TRPS1: variants seen among roughly 807,000 people sequenced by gnomAD.
TRPS1 encodes transcriptional repressor GATA binding 1, also known as zinc finger transcription factor Trps1.
In TRPS1, 6 loss-of-function variants were observed where a neutral mutation model predicts 101.2. That is an observed-to-expected ratio of 0.06 (90% CI 0.03 to 0.12). TRPS1 has a LOEUF of 0.12. Among genes scored for constraint, TRPS1 ranks in the 10% least tolerant of loss-of-function variants. The pLI, the probability that TRPS1 is intolerant of heterozygous loss-of-function variation, is 1.00. For missense variants in TRPS1, 1,363 were observed against 1,567.0 expected, an observed-to-expected ratio of 0.87 and a Z score of 2.20; for synonymous variants, 578 against 589.8, an observed-to-expected ratio of 0.98 and a Z score of 0.29.
Position 115,668,789 on chromosome 8 carries a change from A to G in TRPS1, c.-366T>C, listed in dbSNP as rs1586513623. Reference sequence around the variant, plus strand: ...GGATGTGCCCGGTGCCGGGTGGGAGAGGGGAGGGGGTGTTGTTTTTTGTTT... The same window carrying G: ...GGATGTGCCCGGTGCCGGGTGGGAGGGGGGAGGGGGTGTTGTTTTTTGTTT... On this transcript the variant is annotated 5_prime_UTR_variant, in exon 1 of 7. Coordinates refer to ENST00000395715, the MANE Select transcript of TRPS1 (RefSeq NM_014112.5). 4 of 140,168 alleles carry G rather than the reference A, an allele frequency of 2.9e-5. No individual in the cohort carries two copies. The highest frequency in any genetic ancestry group is 2.1e-4 in the East Asian group (1 of 4,806). The allele number at this position is 140,168 out of a possible 1,614,324, so 8.7% of individuals were successfully genotyped here.
At chr8:115,602,990 T>C (rs1817943223) in intron 4 of TRPS1, among the ~76,000 whole-genome samples, 1 of 152,202 alleles carries the variant, frequency 6.6e-6, no homozygotes, top group South Asian at 2.1e-4. Context: ...ATGACACTTA[T>C]TACTCTTGTA....
chr8:115,523,887 C>T (rs995328144), intron 5 of TRPS1, among the ~76,000 whole-genome samples: 2 of 152,024 alleles, frequency 1.3e-5, no homozygotes, highest in Non-Finnish European at 2.9e-5. Context: ...AAGGTTACTG[C>T]CAAAATCAAG....
intron 5 of TRPS1, among the ~76,000 whole-genome samples, chr8:115,492,855 A>T (rs1039870091): frequency 3.3e-5 from 5 of 152,178 alleles, no homozygotes; most frequent in African/African-American, 1.2e-4. Flanking sequence ...CTGAGACTAC[A>T]GTAGTGTGCC....
At chr8:115,462,062 T>C (rs914548200) in intron 5 of TRPS1, among the ~76,000 whole-genome samples, 20 of 152,174 alleles carry the variant, frequency 1.3e-4, no homozygotes. Flanking sequence ...ACGTATATCA[T>C]TCTTGTGTCA....
chr8:115,604,222 C>T lies in TRPS1; in HGVS notation c.1747G>A (p.Gly583Arg). The change falls in exon 4 of 7, where the codon GGA (glycine) becomes AGA (arginine). Residue 583 changes from glycine (G) to arginine (R), a missense_variant. By Grantham distance (125) the Gly-to-Arg change is moderately radical. Coordinates refer to ENST00000395715, the MANE Select transcript of TRPS1 (RefSeq NM_014112.5). The surrounding 1 kb of genome is among the most constrained non-coding windows in gnomAD (Gnocchi z 4.1). ...TIKHCPFCPRGLCSPEKHLGE... is the reference protein window; with the variant it reads ...TIKHCPFCPRRLCSPEKHLGE... ...AGGTGCTTTTCTGGGCTGCAAAGTC[C>T]TCTGGGACAGAATGGACAGTGTTTA... The T allele has an allele frequency of 6.2e-7, 1 of 1,614,036 alleles. No individual in the cohort carries two copies. Among genetic ancestry groups the T allele is most frequent in the Non-Finnish European group, 8.5e-7 (1 of 1,179,988 alleles).
chr8:115,582,858 G>C (rs916416928), intron 5 of TRPS1, among the ~76,000 whole-genome samples: 20 of 152,146 alleles, frequency 1.3e-4, no homozygotes, highest in African/African-American at 4.1e-4. Flanking sequence ...CAAGAAAAAA[G>C]TGCTCTAATA....
chr8:115,427,116 T>G (rs900734921), intron 5 of TRPS1, among the ~76,000 whole-genome samples: 3 of 151,374 alleles, frequency 2.0e-5, no homozygotes, highest in Non-Finnish European at 4.4e-5. Context: ...CTACAAAAAG[T>G]TAAAAAAAAA....
chr8:115,485,568 A>G (rs951638744), intron 5 of TRPS1, among the ~76,000 whole-genome samples: 1 of 152,200 alleles, frequency 6.6e-6, no homozygotes, highest in African/African-American at 2.4e-5. Context: ...GAGTCATACC[A>G]TATCCAAACA....
chr8:115,418,491 A>G lies in TRPS1; in HGVS notation c.2701-39T>C. 1 of 1,613,958 alleles carries G rather than the reference A, an allele frequency of 6.2e-7. No individual in the cohort carries two copies. Among genetic ancestry groups the G allele is most frequent in the Non-Finnish European group, 8.5e-7 (1 of 1,179,888 alleles). On this transcript the variant is annotated intron_variant, in intron 5 of 6. Coordinates refer to ENST00000395715, the MANE Select transcript of TRPS1 (RefSeq NM_014112.5). This position sits in a 1 kb window ranked among gnomAD's most constrained non-coding sequence, Gnocchi z 4.3. Reference sequence around the variant, plus strand: ...AAAAAACCAAGGTCAGAGGTGAGTCACATGATCAGTGGAGTTAGACCAAAT... The same window carrying G: ...AAAAAACCAAGGTCAGAGGTGAGTCGCATGATCAGTGGAGTTAGACCAAAT...
intron 5 of TRPS1, among the ~76,000 whole-genome samples, chr8:115,473,294 G>A (rs1586309298): frequency 6.6e-6 from 1 of 152,262 alleles, no homozygotes; most frequent in Admixed American, 6.5e-5. Flanking sequence ...TCCCATGATG[G>A]CGGGAAGGAG....
At chr8:115,421,108 C>T (rs543387383) in intron 5 of TRPS1, among the ~76,000 whole-genome samples, 3 of 152,156 alleles carry the variant, frequency 2.0e-5, no homozygotes, top group South Asian at 4.2e-4. Flanking sequence ...CCTCAGCCTC[C>T]CGAGTAGCTG....
In TRPS1 at chr8:115,619,985, C is replaced by A; in HGVS notation, c.113G>T (p.Gly38Val). 6.2e-7 allele frequency: 1 copy of A among 1,614,152 alleles called. No individual in the cohort carries two copies. Among genetic ancestry groups the A allele is most frequent in the Non-Finnish European group, 8.5e-7 (1 of 1,180,040 alleles). The part of the protein sequence containing the change: ...EGEGQILEPI[G>V]TESKVSGKNK... ...CTTTCCAGATACCTTGCTTTCTGTA[C>A]CTATAGGCTCCAGGATCTGGCCCTC... is the stretch of plus-strand genomic sequence containing the variant. Residue 38 changes from glycine to valine, a missense_variant, in exon 3 of 7, where the codon GGT becomes GTT. By Grantham distance (109) the Gly-to-Val change is moderately radical. This residue lies in a region of TRPS1 where 1,020 missense variants were observed against 1,073.0 expected (regional missense o/e 0.95). Coordinates refer to ENST00000395715, the MANE Select transcript of TRPS1 (RefSeq NM_014112.5).
chr8:115,581,386 A>T (rs1563619825), intron 5 of TRPS1, among the ~76,000 whole-genome samples: 1 of 152,146 alleles, frequency 6.6e-6, no homozygotes, highest in Non-Finnish European at 1.5e-5. Flanking sequence ...TGTAGTTTCA[A>T]ATAGCTGGAA....
intron 5 of TRPS1, among the ~76,000 whole-genome samples, chr8:115,573,654 A>C (rs1817255935): frequency 6.6e-6 from 1 of 152,178 alleles, no homozygotes; most frequent in South Asian, 2.1e-4. Context: ...AGGTTTCATC[A>C]AATTATCCTT....
chr8:115,648,510 A>AG (rs1811481749), intron 1 of TRPS1, among the ~76,000 whole-genome samples: 1 of 152,200 alleles, frequency 6.6e-6, no homozygotes, highest in African/African-American at 2.4e-5. Flanking sequence ...GCTGCCGCCT[A>AG]GGCAGGGCCG....
At chr8:115,578,434 A>T (rs1365595140) in intron 5 of TRPS1, among the ~76,000 whole-genome samples, 2 of 152,160 alleles carry the variant, frequency 1.3e-5, no homozygotes, top group African/African-American at 4.8e-5. Flanking sequence ...ATAAAGCAAT[A>T]GAATAATATG....
intron 5 of TRPS1, among the ~76,000 whole-genome samples, chr8:115,561,396 C>A (rs1026594839): frequency 6.6e-6 from 1 of 151,836 alleles, no homozygotes; most frequent in Non-Finnish European, 1.5e-5. Flanking sequence ...GAACACAGGA[C>A]AAGCCACATT....
intron 5 of TRPS1, among the ~76,000 whole-genome samples, chr8:115,564,050 T>C (rs1189291087): frequency 1.3e-5 from 2 of 152,094 alleles, no homozygotes; most frequent in Non-Finnish European, 2.9e-5. Flanking sequence ...CAGTGAACAG[T>C]GCTCAAATCT....
At chr8:115,496,092 A>C (rs1384977802) in intron 5 of TRPS1, among the ~76,000 whole-genome samples, 3 of 152,166 alleles carry the variant, frequency 2.0e-5, no homozygotes, top group Non-Finnish European at 4.4e-5. Context: ...TTGAGCAACT[A>C]ACTACAACAT....
Sources: gnomAD v4.1 joint callset for allele counts (sites outside exome capture counted in the v4.1 genomes callset) on GRCh38, gnomAD v4.1.1 for gene constraint, gnomAD v4.1.1 regional missense constraint, Gnocchi (gnomAD v3.1) non-coding constraint, MANE v1.5 for transcripts, NCBI Gene and HGNC (gene_info 2026-07-23, HGNC 2026-07-21) for gene names.